The following AKAP13 variants were observed in gnomAD, a reference collection of about 807,000 sequenced individuals.
The protein encoded by AKAP13 is A-kinase anchor protein 13.
A neutral mutation model predicts 264.5 loss-of-function variants in AKAP13; 80 were observed. That is an observed-to-expected ratio of 0.30 (90% CI 0.25 to 0.36). The LOEUF is 0.36. Ranked by LOEUF, AKAP13 falls within the 10% of genes least tolerant of loss-of-function variation. The probability of loss-of-function intolerance (pLI) is 1.00; values close to 1 mark genes in which losing one functional copy is unlikely to be tolerated. For synonymous variants in AKAP13, 1,380 were observed against 1,250.2 expected (o/e 1.10, Z -2.19); for missense variants, 3,712 against 3,435.2 (o/e 1.08, Z -2.01).
chr15:85,614,891 A>G (rs1281421952), intron 8 of AKAP13, among the ~76,000 whole-genome samples: 1 of 152,230 alleles, frequency 6.6e-6, no homozygotes, highest in Non-Finnish European at 1.5e-5. Flanking sequence ...AACAGGAGGT[A>G]TTCAGTAAAT....
At chr15:85,700,584 T>C (rs1359328704) in intron 17 of AKAP13, among the ~76,000 whole-genome samples, 1 of 152,242 alleles carries the variant, frequency 6.6e-6, no homozygotes, top group East Asian at 1.9e-4. Flanking sequence ...TTCTGTGTAG[T>C]AATTAGTTTA....
At chr15:85,431,648 G>A (rs938771974) in intron 1 of AKAP13, among the ~76,000 whole-genome samples, 2 of 152,154 alleles carry the variant, frequency 1.3e-5, no homozygotes, top group African/African-American at 4.8e-5. Flanking sequence ...GCTGATTTGT[G>A]TTGGTGGTCC....
At chr15:85,715,706 C>T in intron 19 of AKAP13, 82 bp from the exon 20 acceptor site, 1 of 976,206 alleles carries the variant, frequency 1.0e-6, no homozygotes, top group Non-Finnish European at 1.5e-6. Flanking sequence ...AAGCGCCTTA[C>T]TTCTGCTTGT....
chr15:85,556,850 A>G (rs2151249162), intron 5 of AKAP13, among the ~76,000 whole-genome samples: 1 of 152,300 alleles, frequency 6.6e-6, no homozygotes, highest in East Asian at 1.9e-4. Flanking sequence ...AGAAGCCGCC[A>G]TTTCCAGTCG....
At chr15:85,503,114 G>T (rs571888380) in intron 2 of AKAP13, among the ~76,000 whole-genome samples, 1 of 152,254 alleles carries the variant, frequency 6.6e-6, no homozygotes, top group South Asian at 2.1e-4. Context: ...CTTACTTTAT[G>T]TCGTGGTAAG....
chr15:85,480,579 G>T (rs1484198963), intron 1 of AKAP13, among the ~76,000 whole-genome samples: 1 of 149,890 alleles, frequency 6.7e-6, no homozygotes, highest in Non-Finnish European at 1.5e-5. Context: ...ATATTGTATG[G>T]CACCCTATTA....
chr15:85,426,474 G>T lies in AKAP13; in HGVS notation c.-12+45676G>T, dbSNP rs1034637789. ...CCTGAATATTGAGGTAGCACAGTCT[G>T]TGGATAAGTTTTTGTTTTTTTGTTT... On this transcript the variant is annotated intron_variant, in intron 1 of 36. Transcript: ENST00000394518. 5.3e-5 allele frequency among the ~76,000 whole-genome samples: 8 copies of T among 150,938 alleles called. No homozygotes were observed. The East Asian group carries it at 9.8e-4, about 19-fold the overall frequency.
intron 8 of AKAP13, among the ~76,000 whole-genome samples, chr15:85,604,716 G>A (rs1290866348): frequency 2.0e-5 from 3 of 151,950 alleles, no homozygotes; most frequent in Non-Finnish European, 2.9e-5. Flanking sequence ...CACCCACCTC[G>A]GCCTCCCAAA....
chr15:85,706,953 G>A (rs1227910995), intron 17 of AKAP13, among the ~76,000 whole-genome samples: 1 of 152,138 alleles, frequency 6.6e-6, no homozygotes, highest in Non-Finnish European at 1.5e-5. Context: ...CATCACTCCA[G>A]TCCCCCACAA....
intron 36 of AKAP13, 194 bp from the exon 37 acceptor site, chr15:85,744,434 A>G (rs1437814816): frequency 8.1e-6 from 5 of 617,026 alleles, no homozygotes; most frequent in African/African-American, 5.6e-5. Context: ...TAAAGGGAGC[A>G]TTAGGCAGTG....
chr15:85,749,265 TTTTA>T lies in AKAP13; in HGVS notation c.*4594_*4597del, dbSNP rs1342147368. On this transcript the variant is annotated 3_prime_UTR_variant, in exon 37 of 37. Transcript: ENST00000394518. ...TTTGCCACAACATACTGGCTTCGTA[TTTTA>T]TTTATCTTTCTTTCTAGTTACCAGC... 8.5e-5 allele frequency: 13 copies of T among 152,298 alleles called. No homozygotes were observed. In the East Asian group the frequency reaches 1.6e-3, roughly 18 times the overall value. 9.4% of individuals were successfully genotyped at this position (152,298 alleles called of 1,614,324 possible).
chr15:85,469,606 A>G (rs1441895141), intron 1 of AKAP13, among the ~76,000 whole-genome samples: 1 of 152,240 alleles, frequency 6.6e-6, no homozygotes, highest in Non-Finnish European at 1.5e-5. Context: ...GTTTTCCTCC[A>G]GTGCAAGGAT....
chr15:85,662,308 C>T (rs556943544), intron 12 of AKAP13: 7 of 1,450,380 alleles, frequency 4.8e-6, no homozygotes, highest in East Asian at 4.6e-5. Flanking sequence ...CTATGCCCTT[C>T]GTTTTTAAAC....
chr15:85,701,346 T>C (rs2085898940), intron 17 of AKAP13: 1 of 152,242 alleles, frequency 6.6e-6, no homozygotes, highest in African/African-American at 2.4e-5. Context: ...TGATTTTTGG[T>C]AATGGCTTGA....
rs2079148423 is a variant in AKAP13, at chr15:85,581,975, T to C, written c.3907T>C (p.Phe1303Leu). The C allele has an allele frequency of 6.2e-7, 1 of 1,613,998 alleles. No individual in the cohort carries two copies. Among genetic ancestry groups the C allele is most frequent in the Non-Finnish European group, 8.5e-7 (1 of 1,180,020 alleles). The part of the protein sequence containing the change: ...ESAFTEKVST[F>L]PPGESLPMGS... Reference sequence around the variant, plus strand: ...TGCTTTTACAGAAAAAGTGAGTACTTTCCCACCTGGGGAGAGCCTACCAAT... The same window carrying C: ...TGCTTTTACAGAAAAAGTGAGTACTCTCCCACCTGGGGAGAGCCTACCAAT... The change falls in exon 7 of 37, where the codon TTC becomes CTC. Residue 1303 changes from phenylalanine (F) to leucine (L), a missense_variant. Around this residue, in one of 3 missense-constraint regions of AKAP13, gnomAD observed 2,759 missense variants for 2,411.7 expected, o/e 1.14. Transcript: ENST00000394518.
chr15:85,415,595 C>T, intron 1 of AKAP13: 2 of 1,436,970 alleles, frequency 1.4e-6, no homozygotes, highest in South Asian at 2.3e-5. Flanking sequence ...GTGTCATGAA[C>T]AGTGTCACCT....
intron 25 of AKAP13, among the ~76,000 whole-genome samples, chr15:85,722,769 A>T (rs535989538): frequency 7.4e-4 from 113 of 152,222 alleles, no homozygotes; most frequent in Non-Finnish European, 1.3e-3. Flanking sequence ...AAACAAATAA[A>T]AAAAAAAAAA....
At chr15:85,664,529 A>G (rs2083494148) in intron 12 of AKAP13, 34 bp from the exon 13 acceptor site, 1 of 1,565,128 alleles carries the variant, frequency 6.4e-7, no homozygotes, top group African/African-American at 1.4e-5. Flanking sequence ...AGACCCAGAA[A>G]TAGAATGAAT....
intron 1 of AKAP13, among the ~76,000 whole-genome samples, chr15:85,427,295 C>G (rs2072837750): frequency 6.6e-6 from 1 of 152,060 alleles, no homozygotes; most frequent in Non-Finnish European, 1.5e-5. Context: ...AAACCTTGCT[C>G]TTAATTTGTC....
Sources: gnomAD v4.1 joint callset for allele counts (sites outside exome capture counted in the v4.1 genomes callset) on GRCh38, gnomAD v4.1.1 for gene constraint, gnomAD v4.1.1 regional missense constraint, MANE v1.5 for transcripts, NCBI Gene and HGNC (gene_info 2026-07-23, HGNC 2026-07-21) for gene names.